SLC35F1: variants seen among roughly 807,000 people sequenced by gnomAD.
SLC35F1 encodes the protein solute carrier family 35 member F1, also known as chromosome 6 open reading frame 169.
In SLC35F1, 14 loss-of-function variants were observed where a neutral mutation model predicts 48.7. The ratio of observed to expected loss-of-function variants is 0.29; its 90% CI spans 0.19 to 0.45. The LOEUF (loss-of-function observed/expected upper bound fraction) is 0.45, where lower values mean the gene tolerates loss of function less well. Among genes scored for constraint, SLC35F1 ranks in the 20% least tolerant of loss-of-function variants. The probability of loss-of-function intolerance (pLI) is 1.00; values close to 1 mark genes in which losing one functional copy is unlikely to be tolerated. For synonymous variants in SLC35F1, 190 were observed against 202.2 expected (o/e 0.94, Z 0.51); for missense variants, 404 against 500.0 (o/e 0.81, Z 1.83).
intron 7 of SLC35F1, among the ~76,000 whole-genome samples, chr6:118,297,653 A>AAAATATATATATATAAT (rs1562354753): frequency 1.3e-4 from 16 of 120,590 alleles, no homozygotes; most frequent in Admixed American, 9.7e-4. Flanking sequence ...ATATATATAT[A>AAAATATATATATATAAT]ATATATATAA....
chr6:118,044,463 G>C (rs148753841), intron 1 of SLC35F1, among the ~76,000 whole-genome samples: 1 of 152,012 alleles, frequency 6.6e-6, no homozygotes, highest in Non-Finnish European at 1.5e-5. Context: ...CTTCACTTTG[G>C]GTGGAGTTGC....
chr6:118,033,890 T>G (rs1191686221), intron 1 of SLC35F1, among the ~76,000 whole-genome samples: 1 of 152,226 alleles, frequency 6.6e-6, no homozygotes, highest in Non-Finnish European at 1.5e-5. Context: ...GGCCACCTTG[T>G]TCATCGTTAT....
intron 1 of SLC35F1, among the ~76,000 whole-genome samples, chr6:117,950,609 A>G (rs953595749): frequency 1.4e-4 from 21 of 152,168 alleles, no homozygotes; most frequent in African/African-American, 4.8e-4. Flanking sequence ...GTGAATGACA[A>G]TGGCTCTGGC....
chr6:118,029,574 CTG>C (rs1772009981), intron 1 of SLC35F1, among the ~76,000 whole-genome samples: 1 of 152,094 alleles, frequency 6.6e-6, no homozygotes, highest in Non-Finnish European at 1.5e-5. Flanking sequence ...TTGTTACTAT[CTG>C]TGGTTTCAGG....
At chr6:118,143,600 A>G (rs966877471) in intron 1 of SLC35F1, among the ~76,000 whole-genome samples, 4 of 152,224 alleles carry the variant, frequency 2.6e-5, no homozygotes, top group African/African-American at 9.6e-5. Flanking sequence ...AACTTGGGGA[A>G]AGAATGCTGA....
At chr6:118,098,491 A>C (rs1001707462) in intron 1 of SLC35F1, among the ~76,000 whole-genome samples, 4 of 152,194 alleles carry the variant, frequency 2.6e-5, no homozygotes, top group African/African-American at 9.6e-5. Flanking sequence ...GAGTGCAGAT[A>C]GTTAAAAACA....
At chr6:118,139,942 G>A (rs1055746963) in intron 1 of SLC35F1, among the ~76,000 whole-genome samples, 16 of 152,128 alleles carry the variant, frequency 1.1e-4, no homozygotes, top group Non-Finnish European at 1.5e-5. Flanking sequence ...AATTTTTCGA[G>A]TTATAGTGTT....
At chr6:118,223,915 C>T (rs1464868484) in intron 2 of SLC35F1, among the ~76,000 whole-genome samples, 1 of 152,236 alleles carries the variant, frequency 6.6e-6, no homozygotes, top group Admixed American at 6.5e-5. Context: ...CTTCCCCTTA[C>T]ATCGTGCGTC....
chr6:118,211,074 A>G (rs1774995591), intron 2 of SLC35F1, among the ~76,000 whole-genome samples: 1 of 152,236 alleles, frequency 6.6e-6, no homozygotes, highest in African/African-American at 2.4e-5. Context: ...TCTGGAAGAC[A>G]CAGGGACAGG....
intron 1 of SLC35F1, among the ~76,000 whole-genome samples, chr6:118,039,689 G>A (rs966382108): frequency 6.6e-6 from 1 of 150,868 alleles, no homozygotes; most frequent in African/African-American, 2.4e-5. Flanking sequence ...ATCTGGTTTG[G>A]TCTCCTGAGA....
At chr6:118,220,989 C>T (rs748083646) in intron 2 of SLC35F1, among the ~76,000 whole-genome samples, 4 of 152,174 alleles carry the variant, frequency 2.6e-5, no homozygotes, top group Non-Finnish European at 4.4e-5. Context: ...CAGAAGGCTT[C>T]ACTTGGGATG....
rs528762741 is a variant in SLC35F1, at chr6:118,190,475, A to G, written c.349+35855A>G. On this transcript the variant is annotated intron_variant, in intron 2 of 7. Transcript: ENST00000360388. ...AAAATCCCCCTTTGGTCAGGTTCTT[A>G]CTTAGGTGAGAGTATGATTTAAAAA... 1.1e-3 allele frequency among the ~76,000 whole-genome samples: 168 copies of G among 151,840 alleles called. 4 individuals carry two copies. In the South Asian group the frequency reaches 0.033, roughly 30 times the overall value.
At chr6:118,254,040 A>T (rs1299054224) in intron 3 of SLC35F1, among the ~76,000 whole-genome samples, 2 of 151,978 alleles carry the variant, frequency 1.3e-5, no homozygotes, top group African/African-American at 2.4e-5. Flanking sequence ...GAGACAGCAG[A>T]TGGGGAGAGG....
In SLC35F1 at chr6:118,267,093, C is replaced by T. The variant is rs201891661; in HGVS notation, c.576C>T (p.Cys192=). 5 of 1,614,024 alleles carry T rather than the reference C, an allele frequency of 3.1e-6. No individual in the cohort carries two copies. The East Asian group carries it at 8.9e-5, about 29-fold the overall frequency. The change falls in exon 4 of 8, where the codon TGC becomes TGT. Residue 192 remains cysteine, a synonymous_variant. Transcript: ENST00000360388. The part of the protein sequence containing the change: ...KAVHFIGIVV[C]ILGMGCMVGA... ...TGCATTTCATCGGCATCGTTGTCTGCATCCTGGGAATGGGCTGCATGGTGG... is the reference window on the plus strand; with the variant it reads ...TGCATTTCATCGGCATCGTTGTCTGTATCCTGGGAATGGGCTGCATGGTGG...
intron 1 of SLC35F1, among the ~76,000 whole-genome samples, chr6:118,128,603 T>C (rs914569202): frequency 4.9e-4 from 75 of 152,056 alleles, no homozygotes; most frequent in Middle Eastern, 3.4e-3. Flanking sequence ...TAGATGGGAA[T>C]TGAACAATGA....
chr6:118,043,400 G>T (rs938930713), intron 1 of SLC35F1, among the ~76,000 whole-genome samples: 4 of 151,462 alleles, frequency 2.6e-5, no homozygotes, highest in Non-Finnish European at 5.9e-5. Context: ...TTTGAATAAG[G>T]ATTTATATTT....
At chr6:117,984,538 T>C (rs111505107) in intron 1 of SLC35F1, among the ~76,000 whole-genome samples, 1 of 148,474 alleles carries the variant, frequency 6.7e-6, no homozygotes, top group Non-Finnish European at 1.5e-5. Context: ...GACACATAAA[T>C]GTATATGAAA....
chr6:118,297,639 A>AT lies in SLC35F1; in HGVS notation c.1002+12301_1002+12302insT, dbSNP rs1311369629. Among the ~76,000 whole-genome samples, 595 of 120,866 alleles carry AT rather than the reference A, an allele frequency of 4.9e-3. 20 individuals carry two copies. The highest frequency in any genetic ancestry group is 0.021 in the African/African-American group (571 of 27,510). The allele number at this position is 120,866 out of a possible 152,430, so 79.3% of individuals were successfully genotyped here. ...CTCAGAACTTATATATATATATATA[A>AT]AAAATATATATATAATATATATAAT... On this transcript the variant is annotated intron_variant, in intron 7 of 7. Coordinates refer to ENST00000360388, the MANE Select transcript of SLC35F1 (RefSeq NM_001029858.4).
intron 1 of SLC35F1, among the ~76,000 whole-genome samples, chr6:118,048,747 A>G (rs2114907957): frequency 6.6e-6 from 1 of 152,350 alleles, no homozygotes; most frequent in South Asian, 2.1e-4. Context: ...TTCCATGCTC[A>G]TGAGTAGGAA....
Sources: allele counts gnomAD v4.1 joint callset (sites outside exome capture counted in the v4.1 genomes callset), GRCh38; gene constraint gnomAD v4.1.1; transcripts MANE v1.5; gene names NCBI Gene and HGNC (gene_info 2026-07-23, HGNC 2026-07-21).